The following RDH12 variants were observed in gnomAD, a reference collection of about 807,000 sequenced individuals.
The protein encoded by RDH12 is all-trans and 9-cis retinol dehydrogenase.
In RDH12, 21 loss-of-function variants were observed where a neutral mutation model predicts 34.0. That is an observed-to-expected ratio of 0.62 (90% CI 0.44 to 0.89). The LOEUF (loss-of-function observed/expected upper bound fraction) is 0.89, where lower values mean the gene tolerates loss of function less well. Among genes scored for constraint, RDH12 ranks in the 40% least tolerant of loss-of-function variants. The probability of loss-of-function intolerance (pLI) is 0.00; values close to 1 mark genes in which losing one functional copy is unlikely to be tolerated. For synonymous variants in RDH12, 198 were observed against 169.9 expected (o/e 1.17, Z -1.29); for missense variants, 394 against 398.6 (o/e 0.99, Z 0.10).
At chr14:67,728,745 C>T (rs2038225212) in intron 7 of RDH12, among the ~76,000 whole-genome samples, 1 of 151,294 alleles carries the variant, frequency 6.6e-6, no homozygotes, top group Non-Finnish European at 1.5e-5. Context: ...ATCACCATCC[C>T]TCAATCTATA....
chr14:67,722,656 T>TGGGACTGCTCACCTC lies in RDH12; in HGVS notation c.15_29dup (p.Gly6_Ser10dup), dbSNP rs1458650285. 3.1e-6 allele frequency: 5 copies of TGGGACTGCTCACCTC among 1,613,930 alleles called. No homozygotes were observed. Among genetic ancestry groups the TGGGACTGCTCACCTC allele is most frequent in the Non-Finnish European group, 3.4e-6 (4 of 1,179,806 alleles). ...GAAGTTGGAACGATGCTGGTCACCT[T>TGGGACTGCTCACCTC]GGGACTGCTCACCTCCTTCTTCTCG... On this transcript the variant is annotated inframe_insertion, in exon 3 of 9. Coordinates refer to ENST00000551171, the MANE Select transcript of RDH12 (RefSeq NM_152443.3).
rs754102408 is a variant in RDH12 at position 67,722,707 on chromosome 14, T to C, written c.65T>C (p.Ile22Thr). The C allele has an allele frequency of 3.1e-6, 5 of 1,613,292 alleles. No homozygotes were observed. The highest frequency in any genetic ancestry group is 1.7e-5 in the Admixed American group (1 of 60,010). The change falls in exon 3 of 9, where the codon ATC becomes ACC. Residue 22 changes from isoleucine to threonine, a missense_variant. By Grantham distance (89) the Ile-to-Thr change is moderately conservative (BLOSUM62 -1). Transcript: ENST00000551171. ...TTCCTGTATATGGTAGCTCCATCCA[T>C]CAGGTTTGTCTTAATTCAGCAACTC... is the stretch of plus-strand genomic sequence containing the variant. Reference protein sequence around the residue: ...FSFLYMVAPSIRKFFAGGVCR... With the variant: ...FSFLYMVAPSTRKFFAGGVCR...
chr14:67,731,213 T>C (rs1425610380), intron 8 of RDH12, among the ~76,000 whole-genome samples: 38 of 139,468 alleles, frequency 2.7e-4, no homozygotes, highest in African/African-American at 7.8e-4. Context: ...CTTTCTTTTT[T>C]TTTTTTTTTT....
At chr14:67,723,888 C>T (rs1326500933) in intron 3 of RDH12, among the ~76,000 whole-genome samples, 5 of 152,206 alleles carry the variant, frequency 3.3e-5, no homozygotes, top group Non-Finnish European at 7.3e-5. Flanking sequence ...TCTCTGTTTG[C>T]CATCGGCCAG....
intron 4 of RDH12, among the ~76,000 whole-genome samples, 191 bp downstream of exon 4, chr14:67,724,782 A>G (rs983253922): frequency 1.3e-5 from 2 of 152,108 alleles, no homozygotes; most frequent in African/African-American, 4.8e-5. Context: ...CTTCTTTCCT[A>G]TTCCCTCTCT....
At chr14:67,718,158 T>C (rs779255478) in intron 1 of RDH12, among the ~76,000 whole-genome samples, 4 of 152,150 alleles carry the variant, frequency 2.6e-5, no homozygotes, top group Non-Finnish European at 5.9e-5. Flanking sequence ...AAGTTCCTCA[T>C]GGCTGGAAAA....
Position 67,729,327 on chromosome 14 carries a change from C to T in RDH12, c.795C>T (p.Ser265=), listed in dbSNP as rs774560862. 5.6e-6 allele frequency: 9 copies of T among 1,599,524 alleles called. No homozygotes were observed. The highest frequency in any genetic ancestry group is 1.3e-5 in the African/African-American group (1 of 74,872). Residue 265 remains serine (S), a synonymous_variant, in exon 8 of 9, where the codon AGC becomes AGT. Transcript: ENST00000551171. The stretch of plus-strand genomic sequence containing the variant: ...CGGCACGGGAGGGGGCGCAGACCAG[C>T]CTGCACTGCGCCCTGGCTGAGGGCC... ...VKTAREGAQT[S]LHCALAEGLE...
intron 6 of RDH12, among the ~76,000 whole-genome samples, chr14:67,726,576 G>A (rs1225876837): frequency 6.6e-6 from 1 of 152,120 alleles, no homozygotes; most frequent in African/African-American, 2.4e-5. Context: ...GGGGTTCAGC[G>A]TTCAAGGCAA....
intron 3 of RDH12, among the ~76,000 whole-genome samples, chr14:67,723,965 G>A (rs901897049): frequency 2.0e-5 from 3 of 152,234 alleles, no homozygotes; most frequent in Non-Finnish European, 2.9e-5. Flanking sequence ...TGGAGAGGCA[G>A]CCTAAGATCA....
At chr14:67,728,703 T>TGGGGGGG (rs142252701) in intron 7 of RDH12, among the ~76,000 whole-genome samples, 1 of 142,142 alleles carries the variant, frequency 7.0e-6, no homozygotes, top group African/African-American at 2.7e-5. Flanking sequence ...GGATATCTTG[T>TGGGGGGG]GGGGGGGGGG....
rs551797864 is a variant in RDH12, at chr14:67,720,255, T to C, written c.-274-593T>C. ...GTTGTTATTCCTTTTCTTACTGATT[T>C]GTAAGAGTTCTTTATCTACTAAATC... On this transcript the variant is annotated intron_variant, in intron 1 of 8. Transcript: ENST00000551171. 7.6e-4 allele frequency among the ~76,000 whole-genome samples: 116 copies of C among 152,298 alleles called. 1 individual carries two copies. Among genetic ancestry groups the C allele is most frequent in the Admixed American group, 3.3e-3 (50 of 15,294 alleles).
At chr14:67,723,676 A>G (rs1192280010) in intron 3 of RDH12, among the ~76,000 whole-genome samples, 3 of 152,204 alleles carry the variant, frequency 2.0e-5, no homozygotes, top group Non-Finnish European at 2.9e-5. Flanking sequence ...AGTTTTCTCT[A>G]CTGTAATGTG....
At chr14:67,724,700 C>T in intron 4 of RDH12, 109 bp downstream of exon 4, 1 of 883,306 alleles carries the variant, frequency 1.1e-6, no homozygotes, top group Non-Finnish European at 1.9e-6. Flanking sequence ...GGGGCTCTGA[C>T]TAGAAATTCA....
chr14:67,712,746 G>T (rs192417899), intron 1 of RDH12, among the ~76,000 whole-genome samples: 6 of 152,246 alleles, frequency 3.9e-5, no homozygotes, highest in Admixed American at 3.9e-4. Flanking sequence ...AACCTAGGCT[G>T]TTGTGATAGG....
At chr14:67,710,082 G>T (rs1421844416) in intron 1 of RDH12, among the ~76,000 whole-genome samples, 1 of 152,148 alleles carries the variant, frequency 6.6e-6, no homozygotes, top group African/African-American at 2.4e-5. Flanking sequence ...GTTTTAAGTT[G>T]TTCCACCTTT....
chr14:67,714,191 A>G (rs1020616952), intron 1 of RDH12, among the ~76,000 whole-genome samples: 6 of 152,196 alleles, frequency 3.9e-5, no homozygotes, highest in Non-Finnish European at 8.8e-5. Flanking sequence ...GCTGGAGTGC[A>G]GTGGTGTGAT....
At chr14:67,710,037 G>C (rs2037993151) in intron 1 of RDH12, among the ~76,000 whole-genome samples, 2 of 152,202 alleles carry the variant, frequency 1.3e-5, no homozygotes, top group Non-Finnish European at 2.9e-5. Context: ...TTGTGACCTG[G>C]AAGCTCCCTC....
chr14:67,727,245 C>T, intron 7 of RDH12, 55 bp downstream of exon 7: 1 of 1,410,438 alleles, frequency 7.1e-7, no homozygotes, highest in Non-Finnish European at 9.8e-7. Context: ...AATTAGAGGT[C>T]CACAGCAACT....
chr14:67,717,518 T>C (rs1249774873), intron 1 of RDH12, among the ~76,000 whole-genome samples: 1 of 152,238 alleles, frequency 6.6e-6, no homozygotes, highest in African/African-American at 2.4e-5. Context: ...AAGTAAAACA[T>C]TACTGTCCTC....
Sources: gnomAD v4.1 joint callset for allele counts (sites outside exome capture counted in the v4.1 genomes callset) on GRCh38, gnomAD v4.1.1 for gene constraint, MANE v1.5 for transcripts, NCBI Gene and HGNC (gene_info 2026-07-23, HGNC 2026-07-21) for gene names.